Variants in WDR72 observed in about 807,000 individuals in gnomAD.
WDR72 encodes the protein WD repeat-containing protein 72.
A neutral mutation model predicts 124.2 loss-of-function variants in WDR72; 120 were observed. That is an observed-to-expected ratio of 0.97 (90% CI 0.83 to 1.12). WDR72 has a LOEUF of 1.12. Ranked by LOEUF, WDR72 falls within the 50% of genes most tolerant of loss-of-function variation. The pLI is 0.00. For missense variants in WDR72, 1,387 were observed against 1,278.8 expected, an observed-to-expected ratio of 1.08 and a Z score of -1.29; for synonymous variants, 452 against 441.7, an observed-to-expected ratio of 1.02 and a Z score of -0.29.
chr15:53,599,095 GC>G (rs1470840623), intron 17 of WDR72, among the ~76,000 whole-genome samples: 1 of 151,868 alleles, frequency 6.6e-6, no homozygotes, highest in Non-Finnish European at 1.5e-5. Context: ...CTGCACTCCG[GC>G]CTGGATGACA....
chr15:53,549,685 G>A (rs1411717654), intron 18 of WDR72, among the ~76,000 whole-genome samples: 1 of 152,054 alleles, frequency 6.6e-6, no homozygotes, highest in African/African-American at 2.4e-5. Context: ...CCAATATAAA[G>A]GTGAAGGGTT....
chr15:53,728,212 C>T (rs2018098859), intron 2 of WDR72, among the ~76,000 whole-genome samples: 1 of 152,158 alleles, frequency 6.6e-6, no homozygotes, highest in South Asian at 2.1e-4. Flanking sequence ...TGGCAGCAGG[C>T]AAAGAGAGAT....
intron 9 of WDR72, among the ~76,000 whole-genome samples, chr15:53,706,937 G>C (rs2017397568): frequency 6.6e-6 from 1 of 152,086 alleles, no homozygotes; most frequent in African/African-American, 2.4e-5. Flanking sequence ...CGTTTTTAAA[G>C]CTATGCCTTC....
chr15:53,712,681 T>C, intron 7 of WDR72, 91 bp downstream of exon 7: 1 of 1,240,172 alleles, frequency 8.1e-7, no homozygotes, highest in Non-Finnish European at 1.2e-6. Context: ...AGAGAATTTG[T>C]ATCATATTTA....
At chr15:53,522,069 G>A (rs1891831071) in intron 19 of WDR72, among the ~76,000 whole-genome samples, 1 of 152,000 alleles carries the variant, frequency 6.6e-6, no homozygotes, top group Non-Finnish European at 1.5e-5. Context: ...CAGGGCAGCA[G>A]TCCATCTTCA....
At chr15:53,579,802 C>CA (rs1184031160) in intron 18 of WDR72, among the ~76,000 whole-genome samples, 4 of 152,074 alleles carry the variant, frequency 2.6e-5, no homozygotes, top group Non-Finnish European at 5.9e-5. Context: ...GTTCTAACAC[C>CA]CCTCCTGTCC....
intron 18 of WDR72, among the ~76,000 whole-genome samples, chr15:53,574,144 A>C (rs1363076909): frequency 6.6e-6 from 1 of 152,190 alleles, no homozygotes; most frequent in Non-Finnish European, 1.5e-5. Context: ...CTGTATTACA[A>C]TATAATCCTT....
At chr15:53,675,715 T>C (rs1015140664) in intron 13 of WDR72, among the ~76,000 whole-genome samples, 1 of 152,190 alleles carries the variant, frequency 6.6e-6, no homozygotes, top group East Asian at 1.9e-4. Context: ...TTTATATGCT[T>C]CTGGTGTCAA....
At chr15:53,618,154 C>A (rs1403201707) in intron 14 of WDR72, among the ~76,000 whole-genome samples, 1 of 151,564 alleles carries the variant, frequency 6.6e-6, no homozygotes, top group East Asian at 1.9e-4. Context: ...TTTTTTTTAC[C>A]CCTGCATACT....
chr15:53,675,168 C>A (rs1041222753), intron 13 of WDR72, among the ~76,000 whole-genome samples: 2 of 152,018 alleles, frequency 1.3e-5, no homozygotes, highest in African/African-American at 4.8e-5. Context: ...CATGGTGAAA[C>A]CCCATCTCTA....
chr15:53,571,150 G>A (rs1314965349), intron 18 of WDR72, among the ~76,000 whole-genome samples: 2 of 151,958 alleles, frequency 1.3e-5, no homozygotes, highest in African/African-American at 4.8e-5. Flanking sequence ...AATGGGTGGT[G>A]GGGGAAAGAG....
chr15:53,673,040 G>A (rs1449257871), intron 13 of WDR72, among the ~76,000 whole-genome samples: 1 of 152,102 alleles, frequency 6.6e-6, no homozygotes, highest in Non-Finnish European at 1.5e-5. Flanking sequence ...AGGATTGCTT[G>A]AGCCTGGGAT....
rs778585892 is a variant in WDR72, at chr15:53,722,821, C to G, written c.241G>C (p.Val81Leu). Residue 81 changes from valine to leucine, a missense_variant, in exon 3 of 20, where the codon GTT (valine) becomes CTT (leucine). Coordinates refer to ENST00000360509, the MANE Select transcript of WDR72 (RefSeq NM_182758.4). ...ARDFSKQPYI[V>L]SAAENGEMCV... ...ACCTACCCATTTTCAGCAGCACTAACAATGTAGGGCTGTTTAGAGAAGTCC... is the reference window on the plus strand; with the variant it reads ...ACCTACCCATTTTCAGCAGCACTAAGAATGTAGGGCTGTTTAGAGAAGTCC... The G allele has an allele frequency of 6.2e-7, 1 of 1,613,170 alleles. No individual in the cohort carries two copies. The highest frequency in any genetic ancestry group is 1.7e-5 in the Admixed American group (1 of 59,990).
At chr15:53,637,030 C>G (rs1178393386) in intron 14 of WDR72, among the ~76,000 whole-genome samples, 1 of 152,156 alleles carries the variant, frequency 6.6e-6, no homozygotes, top group East Asian at 1.9e-4. Flanking sequence ...GCCACTCCCA[C>G]CATTAACCTA....
intron 14 of WDR72, among the ~76,000 whole-genome samples, chr15:53,664,718 G>C (rs1180412477): frequency 3.9e-5 from 6 of 151,986 alleles, no homozygotes; most frequent in Admixed American, 3.9e-4. Flanking sequence ...AAAAGCTTTA[G>C]GTTCATAGAT....
At chr15:53,721,323 C>G (rs1274910484) in intron 3 of WDR72, among the ~76,000 whole-genome samples, 1 of 152,112 alleles carries the variant, frequency 6.6e-6, no homozygotes, top group Non-Finnish European at 1.5e-5. Flanking sequence ...AGATCTGAAG[C>G]TGAAACTCAG....
At chr15:53,534,090 T>C (rs1229293343) in intron 18 of WDR72, among the ~76,000 whole-genome samples, 1 of 152,164 alleles carries the variant, frequency 6.6e-6, no homozygotes, top group Admixed American at 6.5e-5. Context: ...ATCAGAAGAC[T>C]GAGCTAGAAA....
chr15:53,705,170 T>C lies in WDR72; in HGVS notation c.1166A>G (p.Gln389Arg), dbSNP rs201156145. Residue 389 changes from glutamine to arginine, a missense_variant, in exon 11 of 20, where the codon CAA becomes CGA. Physicochemically the swap from Gln to Arg is conservative, Grantham distance 43. Coordinates refer to ENST00000360509, the MANE Select transcript of WDR72 (RefSeq NM_182758.4). Reference sequence around the variant, plus strand: ...CCCAGAGAAATAGTCAATAATACTTTGTGACATAGTATCATGCTTATCAAA... The same window carrying C: ...CCCAGAGAAATAGTCAATAATACTTCGTGACATAGTATCATGCTTATCAAA... Reference protein sequence around the residue: ...DNFDKHDTMSQSIIDYFSGLK... With the variant: ...DNFDKHDTMSRSIIDYFSGLK... 2.2e-4 allele frequency: 360 copies of C among 1,614,096 alleles called. 5 individuals are homozygous for C. In the South Asian group the frequency reaches 3.6e-3, roughly 16 times the overall value.
intron 16 of WDR72, 72 bp downstream of exon 16, chr15:53,613,594 T>G: frequency 1.0e-6 from 1 of 972,498 alleles, no homozygotes; most frequent in South Asian, 1.3e-5. Flanking sequence ...GCTAACCAGT[T>G]ATAGAAAGAC....
Sources: allele counts gnomAD v4.1 joint callset (sites outside exome capture counted in the v4.1 genomes callset), GRCh38; gene constraint gnomAD v4.1.1; transcripts MANE v1.5; gene names NCBI Gene and HGNC (gene_info 2026-07-23, HGNC 2026-07-21).